The following KIF26B variants were observed in gnomAD, a reference collection of about 807,000 sequenced individuals.
KIF26B encodes kinesin family member 26B.
Under a neutral mutation model 151.2 loss-of-function variants are expected in KIF26B, and 63 were observed. That is an observed-to-expected ratio of 0.42 (90% confidence interval 0.34 to 0.51). The LOEUF is 0.51. Among genes scored for constraint, KIF26B ranks in the 20% least tolerant of loss-of-function variants. The pLI is 0.07. For missense variants in KIF26B, 2,813 were observed against 2,913.6 expected (o/e 0.97, Z 0.79); for synonymous variants, 1,357 against 1,262.1 (o/e 1.08, Z -1.59).
intron 2 of KIF26B, among the ~76,000 whole-genome samples, chr1:245,216,505 A>G (rs1236279768): frequency 1.3e-5 from 2 of 152,026 alleles, no homozygotes; most frequent in Non-Finnish European, 1.5e-5. Context: ...CCCTCAAGGC[A>G]AAACATTTCA....
intron 4 of KIF26B, among the ~76,000 whole-genome samples, chr1:245,498,867 CG>C (rs1389541509): frequency 1.3e-5 from 2 of 152,082 alleles, no homozygotes; most frequent in East Asian, 3.9e-4. Flanking sequence ...GTTTCTTGGA[CG>C]GGTTCACATT....
intron 2 of KIF26B, among the ~76,000 whole-genome samples, chr1:245,200,349 C>T (rs966397928): frequency 2.6e-5 from 4 of 152,100 alleles, no homozygotes; most frequent in Admixed American, 6.6e-5. Flanking sequence ...TGATAATCTC[C>T]GAGACAAAAT....
At chr1:245,342,126 G>C (rs553145330) in intron 2 of KIF26B, among the ~76,000 whole-genome samples, 3 of 152,328 alleles carry the variant, frequency 2.0e-5, no homozygotes, top group Admixed American at 6.5e-5. Flanking sequence ...TTTGGCCGTA[G>C]ACATTTAATT....
Position 245,156,652 on chromosome 1 carries a change from G to C in KIF26B, c.434G>C (p.Arg145Thr). The C allele has an allele frequency of 6.6e-7, 1 of 1,515,234 alleles. No homozygotes were observed. The highest frequency in any genetic ancestry group is 8.8e-7 in the Non-Finnish European group (1 of 1,138,832). The allele number at this position is 1,515,234 out of a possible 1,614,324, so 93.9% of individuals were successfully genotyped here. A position where few individuals can be genotyped will look rare whatever the true frequency, so the allele number is the denominator to read the frequency against. The change falls in exon 2 of 15, where the codon AGG becomes ACG. Residue 145 changes from arginine to threonine, a missense_variant. By Grantham distance (71) the Arg-to-Thr change is moderately conservative. Around this residue, in one of 3 missense-constraint regions of KIF26B, gnomAD observed 676 missense variants for 688.1 expected, o/e 0.98. Coordinates refer to ENST00000407071, the MANE Select transcript of KIF26B (RefSeq NM_018012.4). Reference protein sequence around the residue: ...RLVELKRQALRLLLPGPFPGK... With the variant: ...RLVELKRQALTLLLPGPFPGK... ...GTGGAGCTCAAGAGGCAGGCCCTGA[G>C]GTTGCTCCTCCCGGGGCCCTTCCCG...
At chr1:245,677,106 T>C (rs2044366806) in intron 10 of KIF26B, among the ~76,000 whole-genome samples, 1 of 152,204 alleles carries the variant, frequency 6.6e-6, no homozygotes, top group Admixed American at 6.5e-5. Flanking sequence ...TCTTAATAGT[T>C]CAAGACCTCT....
At chr1:245,278,121 AG>A (rs1670970965) in intron 2 of KIF26B, among the ~76,000 whole-genome samples, 2 of 152,144 alleles carry the variant, frequency 1.3e-5, no homozygotes, top group African/African-American at 4.8e-5. Flanking sequence ...AACAAAAGGA[AG>A]AACTGTACCT....
intron 5 of KIF26B, among the ~76,000 whole-genome samples, chr1:245,554,134 T>G (rs896086754): frequency 6.6e-6 from 1 of 152,180 alleles, no homozygotes; most frequent in Non-Finnish European, 1.5e-5. Context: ...TTTTGTATCA[T>G]GTACCATCCC....
rs540194718 is a variant in KIF26B, at chr1:245,377,783, A to T, written c.999+10416A>T. 9.2e-5 allele frequency among the ~76,000 whole-genome samples: 14 copies of T among 152,224 alleles called. No homozygotes were observed. In the South Asian group the frequency reaches 2.7e-3, roughly 29 times the overall value. ...ATCCACGGCTGGTCAGCAGTGGAGGATTCTCATTCATGTTCTTTGCTTGGA... is the reference window on the plus strand; with the variant it reads ...ATCCACGGCTGGTCAGCAGTGGAGGTTTCTCATTCATGTTCTTTGCTTGGA... On this transcript the variant is annotated intron_variant, in intron 3 of 14. Coordinates refer to ENST00000407071, the MANE Select transcript of KIF26B (RefSeq NM_018012.4).
intron 4 of KIF26B, among the ~76,000 whole-genome samples, chr1:245,534,452 C>T (rs1362129400): frequency 1.3e-5 from 2 of 152,152 alleles, no homozygotes. Context: ...TGAGCCATCG[C>T]ACCTGGCCCA....
chr1:245,561,636 C>T (rs941254316), intron 5 of KIF26B, among the ~76,000 whole-genome samples: 5 of 152,208 alleles, frequency 3.3e-5, no homozygotes, highest in South Asian at 4.1e-4. Flanking sequence ...TACATCAACT[C>T]ATTTGCATAC....
intron 4 of KIF26B, among the ~76,000 whole-genome samples, chr1:245,425,475 C>T (rs535697743): frequency 1.3e-4 from 20 of 152,180 alleles, no homozygotes; most frequent in Non-Finnish European, 1.8e-4. Flanking sequence ...GGTGCAATCT[C>T]GGCTCACTGC....
At chr1:245,594,365 C>A (rs1053611546) in intron 5 of KIF26B, among the ~76,000 whole-genome samples, 1 of 152,082 alleles carries the variant, frequency 6.6e-6, no homozygotes, top group African/African-American at 2.4e-5. Context: ...AGGAAGGGGT[C>A]CGGTTTCAGT....
At chr1:245,672,958 T>C (rs1338665744) in intron 10 of KIF26B, among the ~76,000 whole-genome samples, 1 of 152,202 alleles carries the variant, frequency 6.6e-6, no homozygotes, top group African/African-American at 2.4e-5. Flanking sequence ...TGGAGAACAT[T>C]AGAGGGACTC....
At chr1:245,337,353 G>A (rs2102994165) in intron 2 of KIF26B, among the ~76,000 whole-genome samples, 1 of 151,896 alleles carries the variant, frequency 6.6e-6, no homozygotes, top group African/African-American at 2.4e-5. Context: ...TGTATTTTAA[G>A]TAGGGGTGGC....
intron 2 of KIF26B, among the ~76,000 whole-genome samples, chr1:245,336,894 C>T (rs892714211): frequency 6.6e-6 from 1 of 152,180 alleles, no homozygotes; most frequent in Non-Finnish European, 1.5e-5. Context: ...TGTATTGCCT[C>T]ATTAACAGTT....
At chr1:245,280,755 T>A in intron 2 of KIF26B, among the ~76,000 whole-genome samples, 1 of 110,040 alleles carries the variant, frequency 9.1e-6, no homozygotes, top group Admixed American at 9.7e-5. Context: ...CCCTCCCCCC[T>A]CCCCCTACCC....
At chr1:245,470,558 G>C (rs1659888959) in intron 4 of KIF26B, among the ~76,000 whole-genome samples, 1 of 152,100 alleles carries the variant, frequency 6.6e-6, no homozygotes, top group South Asian at 2.1e-4. Flanking sequence ...AGCCTCCCGA[G>C]TAGCTGGGAC....
At chr1:245,256,336 G>GTGCA (rs1558364031) in intron 2 of KIF26B, among the ~76,000 whole-genome samples, 2 of 152,198 alleles carry the variant, frequency 1.3e-5, no homozygotes, top group Non-Finnish European at 1.5e-5. Context: ...AGAAGCTGAT[G>GTGCA]TGCACATTGT....
At position 245,327,026 on chromosome 1, in the gene KIF26B, A is replaced by C. The variant is rs1672004485; in HGVS notation, c.466-39808A>C. Among the ~76,000 whole-genome samples, 3 of 152,278 alleles carry C rather than the reference A, an allele frequency of 2.0e-5. No individual in the cohort carries two copies. The South Asian group carries it at 6.2e-4, about 32-fold the overall frequency. On this transcript the variant is annotated intron_variant, in intron 2 of 14. Transcript: ENST00000407071. ...CCTTACCATCTGAAGAACTGAAAAA[A>C]TTATTCCAGGTTCAGCAATGTTGGA...
Sources: allele counts gnomAD v4.1 joint callset (sites outside exome capture counted in the v4.1 genomes callset), GRCh38; gene constraint gnomAD v4.1.1; regional missense constraint gnomAD v4.1.1; transcripts MANE v1.5; gene names NCBI Gene and HGNC (gene_info 2026-07-23, HGNC 2026-07-21).